PHACTR1: variants seen among roughly 807,000 people sequenced by gnomAD.
The protein encoded by PHACTR1 is RPEL repeat containing 1.
Under a neutral mutation model 69.2 loss-of-function variants are expected in PHACTR1, and 16 were observed. The observed-to-expected ratio is 0.23, with a 90% CI of 0.16 to 0.35. The LOEUF (loss-of-function observed/expected upper bound fraction) is 0.35, where lower values mean the gene tolerates loss of function less well. PHACTR1 is among the 10% of genes least tolerant of loss of function. The pLI, the probability that PHACTR1 is intolerant of heterozygous loss-of-function variation, is 1.00. For synonymous variants in PHACTR1, 312 were observed against 284.5 expected (o/e 1.10, Z -0.97); for missense variants, 510 against 734.7 (o/e 0.69, Z 3.54).
intron 10 of PHACTR1, among the ~76,000 whole-genome samples, chr6:13,248,275 G>C (rs968143423): frequency 6.6e-6 from 1 of 152,202 alleles, no homozygotes; most frequent in African/African-American, 2.4e-5. Context: ...GCAGCTCCCA[G>C]GAGGAAACCG....
intron 5 of PHACTR1, among the ~76,000 whole-genome samples, chr6:13,056,433 A>G (rs565120520): frequency 2.2e-4 from 34 of 152,352 alleles, no homozygotes; most frequent in African/African-American, 7.2e-4. Context: ...CCATGTGTGT[A>G]TAAGAGTCAT....
chr6:13,249,579 A>T (rs1774069266), intron 10 of PHACTR1, among the ~76,000 whole-genome samples: 1 of 152,144 alleles, frequency 6.6e-6, no homozygotes, highest in Non-Finnish European at 1.5e-5. Context: ...CAGGTGGATC[A>T]CCTAAGGTCA....
intron 5 of PHACTR1, among the ~76,000 whole-genome samples, chr6:13,061,133 C>T (rs537943730): frequency 6.6e-6 from 1 of 152,300 alleles, no homozygotes; most frequent in African/African-American, 2.4e-5. Flanking sequence ...CACATGGCAT[C>T]TCTCTGTGTC....
intron 4 of PHACTR1, among the ~76,000 whole-genome samples, chr6:12,880,047 A>G (rs1216486531): frequency 6.6e-6 from 1 of 152,158 alleles, no homozygotes; most frequent in East Asian, 1.9e-4. Flanking sequence ...ATGCTCCAGG[A>G]TCACCACATG....
intron 4 of PHACTR1, among the ~76,000 whole-genome samples, chr6:12,852,798 A>C (rs1299268884): frequency 6.6e-6 from 1 of 152,206 alleles, no homozygotes; most frequent in Non-Finnish European, 1.5e-5. Context: ...CCAAAAAATC[A>C]TTCCTCACTC....
At chr6:13,142,302 C>G (rs1378350629) in intron 5 of PHACTR1, among the ~76,000 whole-genome samples, 1 of 152,256 alleles carries the variant, frequency 6.6e-6, no homozygotes, top group East Asian at 1.9e-4. Flanking sequence ...CAGGGTTTCA[C>G]CAAGTTGGCC....
intron 4 of PHACTR1, among the ~76,000 whole-genome samples, chr6:13,037,067 C>T (rs886820265): frequency 2.6e-5 from 4 of 152,112 alleles, no homozygotes; most frequent in African/African-American, 9.7e-5. Context: ...CATTTATTAT[C>T]TTATATAGCA....
intron 4 of PHACTR1, among the ~76,000 whole-genome samples, chr6:12,830,056 G>A (rs1777282121): frequency 7.1e-6 from 1 of 141,748 alleles, no homozygotes; most frequent in Admixed American, 7.2e-5. Context: ...AAGAAGGAAG[G>A]AAGGAAGGAA....
intron 11 of PHACTR1, 29 bp from the exon 12 acceptor site, chr6:13,278,239 T>TA (rs773641490): frequency 5.8e-6 from 9 of 1,556,914 alleles, no homozygotes; most frequent in African/African-American, 2.7e-5. Context: ...TTTACTGAAA[T>TA]AAAAAAACAT....
chr6:13,226,686 T>C (rs1433732082), intron 8 of PHACTR1, among the ~76,000 whole-genome samples: 1 of 152,142 alleles, frequency 6.6e-6, no homozygotes, highest in Non-Finnish European at 1.5e-5. Flanking sequence ...AAAATAATTA[T>C]TTTATTTTTG....
At chr6:13,260,543 A>G (rs1775772163) in intron 10 of PHACTR1, among the ~76,000 whole-genome samples, 2 of 152,198 alleles carry the variant, frequency 1.3e-5, no homozygotes, top group South Asian at 2.1e-4. Flanking sequence ...AAGAATTTTG[A>G]CCAGGACTGG....
At chr6:12,881,054 C>T (rs955082471) in intron 4 of PHACTR1, among the ~76,000 whole-genome samples, 1 of 152,080 alleles carries the variant, frequency 6.6e-6, no homozygotes, top group East Asian at 1.9e-4. Flanking sequence ...GTAGTCTGGG[C>T]GAAGGTGTGT....
chr6:12,919,385 C>T (rs180914871), intron 4 of PHACTR1, among the ~76,000 whole-genome samples: 2 of 152,280 alleles, frequency 1.3e-5, no homozygotes, highest in East Asian at 3.9e-4. Context: ...GCGTGATCTG[C>T]CTGCCTCGGC....
chr6:13,003,951 C>CTATATATATATATA lies in PHACTR1; in HGVS notation c.251-49401_251-49400insATATATATATATAT, dbSNP rs1384494931. Among the ~76,000 whole-genome samples the CTATATATATATATA allele has an allele frequency of 3.6e-3, 334 of 93,490 alleles. 22 individuals carry two copies. The highest frequency in any genetic ancestry group is 6.6e-3 in the African/African-American group (105 of 16,026). 61.3% of individuals were successfully genotyped at this position (93,490 alleles called of 152,430 possible). On this transcript the variant is annotated intron_variant, in intron 4 of 14. Transcript: ENST00000332995. Reference sequence around the variant, plus strand: ...CTTTTTTTATGGCTCAGTAGTATTCCTATATATATATATGTATATATATAT... The same window carrying CTATATATATATATA: ...CTTTTTTTATGGCTCAGTAGTATTCCTATATATATATATATATATATATATATGTATATATATAT...
chr6:13,228,162 C>A lies in PHACTR1; in HGVS notation c.1234+99C>A. 3.5e-6 allele frequency: 5 copies of A among 1,439,224 alleles called. No homozygotes were observed. In the South Asian group the frequency reaches 6.8e-5, roughly 20 times the overall value. 89.2% of individuals were successfully genotyped at this position (1,439,224 alleles called of 1,614,324 possible). A position where few individuals can be genotyped will look rare whatever the true frequency, so the allele number is the denominator to read the frequency against. On this transcript the variant is annotated intron_variant, in intron 9 of 14. Coordinates refer to ENST00000332995, the MANE Select transcript of PHACTR1 (RefSeq NM_030948.6). ...GCAGCCCAGCAGTCTGGGTTCTAAT[C>A]CCTGCTCTGGTGTTGACTGGTCCTG...
chr6:13,278,580 G>A (rs75449211), intron 12 of PHACTR1, among the ~76,000 whole-genome samples: 2,158 of 152,288 alleles, frequency 0.014, 49 homozygotes, highest in African/African-American at 0.049. Flanking sequence ...TGGCTATTGC[G>A]TTGTATTTTT....
chr6:13,163,926 CTCA>C (rs1349543138), intron 6 of PHACTR1, among the ~76,000 whole-genome samples: 4 of 152,014 alleles, frequency 2.6e-5, no homozygotes, highest in Non-Finnish European at 4.4e-5. Context: ...TGTTGGTAGT[CTCA>C]TCATCATCAT....
chr6:12,804,234 C>A (rs1774037336), intron 4 of PHACTR1, among the ~76,000 whole-genome samples: 1 of 152,194 alleles, frequency 6.6e-6, no homozygotes, highest in Admixed American at 6.5e-5. Context: ...ATCATCTAAT[C>A]ATTCTTATAT....
chr6:13,042,621 A>G (rs1804362537), intron 4 of PHACTR1, among the ~76,000 whole-genome samples: 1 of 152,234 alleles, frequency 6.6e-6, no homozygotes, highest in Admixed American at 6.5e-5. Flanking sequence ...AAGAGACAGC[A>G]CAGTTGAGAG....
Sources: gnomAD v4.1 joint callset for allele counts (sites outside exome capture counted in the v4.1 genomes callset) on GRCh38, gnomAD v4.1.1 for gene constraint, MANE v1.5 for transcripts, NCBI Gene and HGNC (gene_info 2026-07-23, HGNC 2026-07-21) for gene names.